TPM3: variants seen among roughly 807,000 people sequenced by gnomAD.
TPM3 encodes the protein tropomyosin 3.
Under a neutral mutation model 43.1 loss-of-function variants are expected in TPM3, and 16 were observed. The observed-to-expected ratio is 0.37, with a 90% CI of 0.25 to 0.56. The LOEUF (loss-of-function observed/expected upper bound fraction) is 0.56. Among genes scored for constraint, TPM3 ranks in the 20% least tolerant of loss-of-function variants. The pLI is 0.77. For synonymous variants in TPM3, 101 were observed against 116.9 expected (o/e 0.86, Z 0.88); for missense variants, 176 against 337.2 (o/e 0.52, Z 3.74).
In TPM3 at chr1:154,170,647, A is replaced by G; in HGVS notation, c.705+2T>C. ...TCTGCCCTATAAATCCCCTCAGCTC[A>G]CCTCCTTGAGTTTATCAGTAAGAAT... is the stretch of plus-strand genomic sequence containing the variant. On this transcript the variant is annotated splice_donor_variant, in intron 7 of 9. Coordinates refer to ENST00000651641, the MANE Select transcript of TPM3 (RefSeq NM_152263.4). LOFTEE classifies it high-confidence loss of function. 6.2e-7 allele frequency: 1 copy of G among 1,612,682 alleles called. No individual in the cohort carries two copies.
At chr1:154,157,482 T>G (rs1659925613), downstream of TPM3, 7 of 741,866 alleles carry the variant, frequency 9.4e-6, no homozygotes, top group Non-Finnish European at 1.5e-5. Context: ...AGAGACAGTT[T>G]GGCGAAAAAG....
At chr1:154,171,987 A>C in intron 5 of TPM3, 1 of 1,609,052 alleles carries the variant, frequency 6.2e-7, no homozygotes, top group Non-Finnish European at 8.5e-7. Context: ...AAACAAAACC[A>C]CACCACATAT....
chr1:154,182,205 C>T lies in TPM3; in HGVS notation c.244-5957G>A, dbSNP rs772311944. On this transcript the variant is annotated intron_variant, in intron 2 of 9. Coordinates refer to ENST00000651641, the MANE Select transcript of TPM3 (RefSeq NM_152263.4). ...GGCCTGAATCTGACAGAAGTTCCTG[C>T]CTTCCAGGTCATTGTGGGTAGGGCC... is the stretch of plus-strand genomic sequence containing the variant. Among the ~76,000 whole-genome samples, 6 of 152,314 alleles carry T rather than the reference C, an allele frequency of 3.9e-5. No individual in the cohort carries two copies. The South Asian group carries it at 1.0e-3, about 26-fold the overall frequency.
intron 2 of TPM3, among the ~76,000 whole-genome samples, chr1:154,185,586 T>C (rs532070807): frequency 1.3e-5 from 2 of 148,434 alleles, no homozygotes; most frequent in African/African-American, 5.1e-5. Context: ...AGCAGGCGCC[T>C]GTAATCCCAG....
At chr1:154,183,482 T>G (rs1436897659) in intron 2 of TPM3, 1 of 452,500 alleles carries the variant, frequency 2.2e-6, no homozygotes, top group Non-Finnish European at 4.0e-6. Flanking sequence ...GTTGGCCCCT[T>G]TGCAGGTAGT....
At chr1:154,190,366 C>A (rs1429097780) in intron 2 of TPM3, among the ~76,000 whole-genome samples, 2 of 152,172 alleles carry the variant, frequency 1.3e-5, no homozygotes, top group African/African-American at 4.8e-5. Context: ...TACTTTTCTT[C>A]TAAAAAACTT....
At chr1:154,186,196 T>C (rs962778441) in intron 2 of TPM3, among the ~76,000 whole-genome samples, 68 of 151,742 alleles carry the variant, frequency 4.5e-4, no homozygotes, top group Non-Finnish European at 6.3e-4. Context: ...TAAGAATTTT[T>C]CTAACTTGCT....
intron 3 of TPM3, among the ~76,000 whole-genome samples, chr1:154,174,406 A>ATATATATATC: frequency 8.2e-6 from 1 of 122,376 alleles, no homozygotes; most frequent in Admixed American, 8.3e-5. Context: ...ATATATATAT[A>ATATATATATC]TACACACAAA....
At chr1:154,183,266 C>T in intron 2 of TPM3, 1 of 1,519,244 alleles carries the variant, frequency 6.6e-7, no homozygotes, top group Middle Eastern at 2.3e-4. Context: ...CTGCCGCGCC[C>T]TCCCACCGCC....
chr1:154,170,420 T>C lies in TPM3; in HGVS notation c.755A>G (p.Lys252Arg), dbSNP rs1259543988. The part of the protein sequence containing the change: ...FAERSVAKLE[K>R]TIDDLEDELY... ...CATACCTTCCAGGTCATCAATTGTC[T>C]TTTCCAGCTTGGCTACCGATCTCTC... Residue 252 changes from lysine (K) to arginine (R), a missense_variant, in exon 8 of 10, where the codon AAG (lysine) becomes AGG (arginine). By Grantham distance (26) the Lys-to-Arg change is conservative. Around this residue, in one of 4 missense-constraint regions of TPM3, gnomAD observed 53 missense variants for 98.3 expected, o/e 0.54. Transcript: ENST00000651641. 2 of 1,614,150 alleles carry C rather than the reference T, an allele frequency of 1.2e-6. No homozygotes were observed. The highest frequency in any genetic ancestry group is 4.5e-5 in the East Asian group (2 of 44,882).
chr1:154,155,768 G>A (rs1018803218), downstream of TPM3: 9 of 224,630 alleles, frequency 4.0e-5, no homozygotes, highest in South Asian at 1.8e-4. Flanking sequence ...TAGTTTATAA[G>A]GATTGATATG....
At chr1:154,184,586 A>T (rs546818228) in intron 2 of TPM3, among the ~76,000 whole-genome samples, 4 of 152,312 alleles carry the variant, frequency 2.6e-5, no homozygotes, top group African/African-American at 9.6e-5. Context: ...TAAGAAAGAT[A>T]TGCCCCCATT....
At chr1:154,158,224 A>C (rs1415187950), downstream of TPM3, among the ~76,000 whole-genome samples, 2 of 152,376 alleles carry the variant, frequency 1.3e-5, no homozygotes, top group South Asian at 4.1e-4. Flanking sequence ...GGGCGCTCAC[A>C]GTTAAGTCAA....
intron 5 of TPM3, chr1:154,171,915 G>C: frequency 9.4e-7 from 1 of 1,062,794 alleles, no homozygotes; most frequent in South Asian, 1.3e-5. Context: ...TCCATGAAGA[G>C]ATGAGACAGC....
intron 2 of TPM3, among the ~76,000 whole-genome samples, chr1:154,176,963 G>A (rs1268889888): frequency 4.7e-5 from 7 of 148,174 alleles, no homozygotes; most frequent in Admixed American, 1.3e-4. Flanking sequence ...TGGGCAACAC[G>A]GTGAAACTCC....
At chr1:154,181,098 C>T (rs1434495361) in intron 2 of TPM3, among the ~76,000 whole-genome samples, 2 of 152,146 alleles carry the variant, frequency 1.3e-5, no homozygotes, top group Non-Finnish European at 2.9e-5. Flanking sequence ...GAAAGTGCCA[C>T]TGGCCATAAA....
At chr1:154,184,838 G>A (rs946558401) in intron 2 of TPM3, among the ~76,000 whole-genome samples, 6 of 151,918 alleles carry the variant, frequency 3.9e-5, no homozygotes, top group African/African-American at 1.2e-4. Context: ...TTCTTGAGCC[G>A]GGAAGGCAGA....
At chr1:154,183,371 G>A (rs1571443729) in intron 2 of TPM3, 1 of 1,318,922 alleles carries the variant, frequency 7.6e-7, no homozygotes, top group East Asian at 2.7e-5. Flanking sequence ...CTTACCTTGG[G>A]CCAGTAAACT....
chr1:154,183,095 C>T, intron 2 of TPM3: 1 of 1,599,880 alleles, frequency 6.3e-7, no homozygotes, highest in South Asian at 1.1e-5. Flanking sequence ...CGCTTCACCG[C>T]CTCGATGGTG....
Sources: gnomAD v4.1 joint callset for allele counts (sites outside exome capture counted in the v4.1 genomes callset) on GRCh38, gnomAD v4.1.1 for gene constraint, gnomAD v4.1.1 regional missense constraint, MANE v1.5 for transcripts, NCBI Gene and HGNC (gene_info 2026-07-23, HGNC 2026-07-21) for gene names.